The following SRGAP2 variants were observed in gnomAD, a reference collection of about 807,000 sequenced individuals.
SRGAP2 encodes SLIT-ROBO Rho GTPase activating protein 2, also known as SLIT-ROBO Rho GTPase-activating protein 2.
Under a neutral mutation model 57.2 loss-of-function variants are expected in SRGAP2, and 15 were observed. That is an observed-to-expected ratio of 0.26 (90% CI 0.18 to 0.40). The LOEUF is 0.40. Among genes scored for constraint, SRGAP2 ranks in the 10% least tolerant of loss-of-function variants. The probability of loss-of-function intolerance (pLI) is 1.00; values close to 1 mark genes in which losing one functional copy is unlikely to be tolerated. For missense variants in SRGAP2, 520 were observed against 669.6 expected (o/e 0.78, Z 2.47); for synonymous variants, 249 against 248.0 (o/e 1.00, Z -0.04).
intron 2 of SRGAP2, among the ~76,000 whole-genome samples, chr1:206,216,255 A>G (rs1386747032): frequency 6.6e-6 from 1 of 151,990 alleles, no homozygotes; most frequent in Non-Finnish European, 1.5e-5. Flanking sequence ...CTAGAGCTAT[A>G]CTTGCTTTGA....
rs541674871 is a variant in SRGAP2 at position 206,423,382 on chromosome 1, T to C, written c.1494+2108T>C. Among the ~76,000 whole-genome samples the C allele has an allele frequency of 2.6e-4, 40 of 152,362 alleles. No homozygotes were observed. The South Asian group carries it at 7.9e-3, about 30-fold the overall frequency. ...CTCTTCTTCCCTAAGCATTCTTTTG[T>C]TCTATAATGCTGTCCTTTTGAGTCC... is the stretch of plus-strand genomic sequence containing the variant. On this transcript the variant is annotated intron_variant, in intron 13 of 22. Transcript: ENST00000573034.
Position 206,341,788 on chromosome 1 carries a change from G to A in SRGAP2, c.261-1058G>A, listed in dbSNP as rs1340755322. Among the ~76,000 whole-genome samples, 9 of 152,128 alleles carry A rather than the reference G, an allele frequency of 5.9e-5. 1 individual carries two copies. Among genetic ancestry groups the A allele is most frequent in the African/African-American group, 1.9e-4 (8 of 41,474 alleles). On this transcript the variant is annotated intron_variant, in intron 3 of 22. Coordinates refer to ENST00000573034, the MANE Select transcript of SRGAP2 (RefSeq NM_015326.5). ...CAAGGTGGGTGGATCACTTGAGGTC[G>A]GGAGTTCAAGATCAGCATGGTCAAC...
chr1:206,402,442 G>A (rs1478351989), intron 8 of SRGAP2, among the ~76,000 whole-genome samples: 1 of 152,214 alleles, frequency 6.6e-6, no homozygotes, highest in Non-Finnish European at 1.5e-5. Context: ...GTGGTTGTGT[G>A]TACAAGTCAG....
intron 11 of SRGAP2, among the ~76,000 whole-genome samples, chr1:206,417,974 C>A (rs908357677): frequency 6.0e-5 from 9 of 151,166 alleles, no homozygotes; most frequent in Non-Finnish European, 1.0e-4. Context: ...TATGCGCTCA[C>A]ATTTGTGTGT....
intron 7 of SRGAP2, among the ~76,000 whole-genome samples, chr1:206,394,340 G>A (rs1482348636): frequency 2.0e-5 from 3 of 152,166 alleles, no homozygotes; most frequent in Non-Finnish European, 4.4e-5. Context: ...AGGATTACAG[G>A]TGTGGGCCCT....
intron 2 of SRGAP2, among the ~76,000 whole-genome samples, chr1:206,220,822 G>T (rs1427027966): frequency 5.9e-5 from 9 of 152,286 alleles, no homozygotes; most frequent in South Asian, 2.1e-4. Flanking sequence ...AGCTACTGGA[G>T]TGTTCTTTCC....
chr1:206,421,381 C>T (rs564299465), intron 13 of SRGAP2, 107 bp downstream of exon 13: 46 of 536,636 alleles, frequency 8.6e-5, no homozygotes, highest in Non-Finnish European at 1.3e-4. Flanking sequence ...TGACTTCATG[C>T]CTGCATTTGG....
intron 8 of SRGAP2, among the ~76,000 whole-genome samples, chr1:206,404,429 G>A (rs1426031673): frequency 4.6e-5 from 7 of 152,246 alleles, no homozygotes; most frequent in Middle Eastern, 6.8e-3. Context: ...AAGGACGAAC[G>A]GTAACAAGGT....
intron 21 of SRGAP2, chr1:206,456,244 C>T (rs1663821579): frequency 6.6e-6 from 1 of 152,100 alleles, no homozygotes. Context: ...TTTTCCATCT[C>T]TTTCACCCTC....
At position 206,451,815 on chromosome 1, in the gene SRGAP2, C is replaced by T. The variant is rs113551301; in HGVS notation, c.2179+1350C>T. Among the ~76,000 whole-genome samples the T allele has an allele frequency of 3.2e-3, 486 of 152,252 alleles. 1 individual carries two copies. The highest frequency in any genetic ancestry group is 0.011 in the African/African-American group (440 of 41,544). Reference sequence around the variant, plus strand: ...GGTCAGGGAGGTCGAGTAACGTACCCGAGGCTGTAGAGAACTAACTGAGGT... The same window carrying T: ...GGTCAGGGAGGTCGAGTAACGTACCTGAGGCTGTAGAGAACTAACTGAGGT... On this transcript the variant is annotated intron_variant, in intron 19 of 22. Coordinates refer to ENST00000573034, the MANE Select transcript of SRGAP2 (RefSeq NM_015326.5).
intron 14 of SRGAP2, among the ~76,000 whole-genome samples, chr1:206,435,848 G>C (rs1286770739): frequency 1.3e-5 from 2 of 152,164 alleles, no homozygotes; most frequent in African/African-American, 4.8e-5. Context: ...CAGTCACTAT[G>C]CCAGCATTTT....
Position 206,203,706 on chromosome 1 carries a change from G to A in SRGAP2, c.-543+56G>A, listed in dbSNP as rs557858454. 2.5e-5 allele frequency: 33 copies of A among 1,320,428 alleles called. 2 individuals are homozygous for A. In the African/African-American group the frequency reaches 3.4e-4, roughly 14 times the overall value. 81.8% of individuals were successfully genotyped at this position (1,320,428 alleles called of 1,614,324 possible). On this transcript the variant is annotated intron_variant, in intron 1 of 22. Coordinates refer to ENST00000573034, the MANE Select transcript of SRGAP2 (RefSeq NM_015326.5). ...CTCCCGGCCGCCGGGCTGGAGCCCT[G>A]ACTGAACAAACCGGGGCTGGGGCGG...
At chr1:206,362,977 A>G (rs1677021434) in intron 4 of SRGAP2, among the ~76,000 whole-genome samples, 1 of 149,428 alleles carries the variant, frequency 6.7e-6, no homozygotes, top group Non-Finnish European at 1.5e-5. Flanking sequence ...CAGTGTAATA[A>G]TGGGTTCTTG....
intron 2 of SRGAP2, among the ~76,000 whole-genome samples, chr1:206,266,336 T>G (rs1190570593): frequency 6.6e-6 from 1 of 151,836 alleles, no homozygotes; most frequent in African/African-American, 2.4e-5. Context: ...CTCCGCCTCC[T>G]GGTTTCAAGC....
chr1:206,366,105 C>G (rs1474697359), intron 4 of SRGAP2, among the ~76,000 whole-genome samples: 1 of 152,170 alleles, frequency 6.6e-6, no homozygotes, highest in African/African-American at 2.4e-5. Context: ...GAAAATATTT[C>G]TCAACTCCTC....
chr1:206,346,372 G>T, intron 4 of SRGAP2, among the ~76,000 whole-genome samples: 1 of 152,162 alleles, frequency 6.6e-6, no homozygotes, highest in East Asian at 1.9e-4. Context: ...CCTACACTGG[G>T]GGCTTCCTTC....
intron 2 of SRGAP2, among the ~76,000 whole-genome samples, chr1:206,228,784 T>C (rs541513931): frequency 9.2e-4 from 139 of 150,330 alleles, no homozygotes; most frequent in Non-Finnish European, 1.6e-3. Context: ...AGGAATGACA[T>C]ATGTATGCTG....
intron 17 of SRGAP2, among the ~76,000 whole-genome samples, chr1:206,444,245 G>A (rs1366992837): frequency 2.6e-5 from 4 of 151,428 alleles, no homozygotes; most frequent in Non-Finnish European, 4.4e-5. Context: ...TATTGGAAAA[G>A]AAAAATGGAT....
rs543251017 is a variant in SRGAP2, at chr1:206,351,100, C to T, written c.423+8092C>T. ...TGGACTGAGATAGGATTTCCTATGG[C>T]GTGTCTTGAGTCCAGCTGTTTGGCA... On this transcript the variant is annotated intron_variant, in intron 4 of 22. Transcript: ENST00000573034. Among the ~76,000 whole-genome samples, 175 of 152,214 alleles carry T rather than the reference C, an allele frequency of 1.1e-3. 1 individual carries two copies. Among genetic ancestry groups the T allele is most frequent in the African/African-American group, 4.1e-3 (169 of 41,528 alleles).
Sources: gnomAD v4.1 joint callset for allele counts (sites outside exome capture counted in the v4.1 genomes callset) on GRCh38, gnomAD v4.1.1 for gene constraint, MANE v1.5 for transcripts, NCBI Gene and HGNC (gene_info 2026-07-23, HGNC 2026-07-21) for gene names.